The following SP140L variants were observed in gnomAD, a reference collection of about 807,000 sequenced individuals.
The protein encoded by SP140L is nuclear body protein SP140-like protein.
Under a neutral mutation model 84.3 loss-of-function variants are expected in SP140L, and 64 were observed. The ratio of observed to expected loss-of-function variants is 0.76; its 90% CI spans 0.62 to 0.94. SP140L has a LOEUF of 0.94. Ranked by LOEUF, SP140L falls within the 40% of genes least tolerant of loss-of-function variation. The probability of loss-of-function intolerance (pLI) is 0.00; values close to 1 mark genes in which losing one functional copy is unlikely to be tolerated. For synonymous variants in SP140L, 242 were observed against 236.9 expected, an observed-to-expected ratio of 1.02 and a Z score of -0.20; for missense variants, 628 against 692.5, an observed-to-expected ratio of 0.91 and a Z score of 1.05.
intron 2 of SP140L, among the ~76,000 whole-genome samples, chr2:230,354,459 T>G (rs979695567): frequency 6.6e-5 from 10 of 152,020 alleles, no homozygotes; most frequent in African/African-American, 2.4e-4. Flanking sequence ...ATGATAAAAT[T>G]CTCAGCAAGT....
At chr2:230,337,146 C>T (rs965300982) in intron 2 of SP140L, among the ~76,000 whole-genome samples, 4 of 152,230 alleles carry the variant, frequency 2.6e-5, no homozygotes, top group Admixed American at 2.6e-4. Context: ...CACATCCTCT[C>T]CAGCACCTGT....
chr2:230,386,076 G>A (rs897219828), intron 9 of SP140L, among the ~76,000 whole-genome samples: 4 of 152,098 alleles, frequency 2.6e-5, no homozygotes, highest in Admixed American at 2.0e-4. Flanking sequence ...GAAGGGGAGG[G>A]GTCAGGCATC....
rs2061537446 is a variant in SP140L at position 230,385,286 on chromosome 2, G to T, written c.766G>T (p.Asp256Tyr). The T allele has an allele frequency of 6.2e-7, 1 of 1,613,680 alleles. No individual in the cohort carries two copies. Among genetic ancestry groups the T allele is most frequent in the Non-Finnish European group, 8.5e-7 (1 of 1,179,700 alleles). The change falls in exon 9 of 19, where the codon GAC (aspartate) becomes TAC (tyrosine). Residue 256 changes from aspartate (D) to tyrosine (Y), a missense_variant. Physicochemically the swap from Asp to Tyr is radical, Grantham distance 160. Transcript: ENST00000415673. ...SEKKANMNLK[D>Y]LSKIRGRKRG... Reference sequence around the variant, plus strand: ...AAAGAAGGCGAACATGAATCTGAAAGACCTTTCCAAGATTAGGGGTAAGAT... The same window carrying T: ...AAAGAAGGCGAACATGAATCTGAAATACCTTTCCAAGATTAGGGGTAAGAT...
chr2:230,379,023 T>C (rs575993289), intron 7 of SP140L, among the ~76,000 whole-genome samples: 1 of 152,338 alleles, frequency 6.6e-6, no homozygotes, highest in South Asian at 2.1e-4. Flanking sequence ...TTTATCCATA[T>C]TGGTGCTTTT....
chr2:230,344,360 A>G (rs1034495830), intron 2 of SP140L, among the ~76,000 whole-genome samples: 4 of 151,986 alleles, frequency 2.6e-5, no homozygotes, highest in Non-Finnish European at 5.9e-5. Context: ...ACTGTTTTCT[A>G]TTTGCTTGGT....
Position 230,352,861 on chromosome 2 carries a change from T to C in SP140L, c.108-4944T>C, listed in dbSNP as rs76713220. ...ACACACATGCACACACACACATATA[T>C]GTGTGTATATATGTATAATGGTGGT... On this transcript the variant is annotated intron_variant, in intron 2 of 18. Coordinates refer to ENST00000415673, the MANE Select transcript of SP140L (RefSeq NM_138402.6). Among the ~76,000 whole-genome samples, 25 of 151,994 alleles carry C rather than the reference T, an allele frequency of 1.6e-4. No individual in the cohort carries two copies. The East Asian group carries it at 4.8e-3, about 29-fold the overall frequency.
chr2:230,392,807 C>T (rs1256608862), intron 12 of SP140L, among the ~76,000 whole-genome samples: 8 of 152,138 alleles, frequency 5.3e-5, no homozygotes, highest in Non-Finnish European at 1.2e-4. Flanking sequence ...TTTGAAATGC[C>T]TTCACTGTCT....
intron 5 of SP140L, among the ~76,000 whole-genome samples, chr2:230,368,511 G>A (rs1271642315): frequency 2.0e-5 from 3 of 152,218 alleles, no homozygotes; most frequent in African/African-American, 7.2e-5. Flanking sequence ...GATTTGCAAA[G>A]TTTTATGCTA....
rs1288981313 is a variant in SP140L, at chr2:230,400,980, A to C, written c.1339A>C (p.Arg447=). 2 of 1,536,500 alleles carry C rather than the reference A, an allele frequency of 1.3e-6. No individual in the cohort carries two copies. Among genetic ancestry groups the C allele is most frequent in the East Asian group, 2.3e-5 (1 of 43,132 alleles). ...EKTPWNCIFC[R]MKESPGSQQC... is the part of the protein sequence containing the mutation. ...GACCCCGTGGAATTGCATCTTCTGC[A>C]GGATGAAGGAGTCTCCGGGAAGCCA... Residue 447 remains arginine (R), a synonymous_variant, in exon 16 of 19, where the codon AGG becomes CGG. Transcript: ENST00000415673.
At chr2:230,396,183 C>A (rs952172990) in intron 13 of SP140L, among the ~76,000 whole-genome samples, 5 of 152,178 alleles carry the variant, frequency 3.3e-5, no homozygotes, top group Admixed American at 2.6e-4. Flanking sequence ...TTGGCCTGGG[C>A]AAACTAGGTC....
chr2:230,379,167 T>C (rs1196271620), intron 7 of SP140L, among the ~76,000 whole-genome samples: 1 of 152,206 alleles, frequency 6.6e-6, no homozygotes, highest in Non-Finnish European at 1.5e-5. Context: ...GCTTTTGCAA[T>C]TTTATCTGAT....
chr2:230,359,266 A>G (rs924844441), intron 4 of SP140L, 134 bp downstream of exon 4: 6 of 745,854 alleles, frequency 8.0e-6, no homozygotes, highest in Admixed American at 3.0e-5. Flanking sequence ...TAGACGTGTC[A>G]TGAGTCTTCT....
intron 5 of SP140L, among the ~76,000 whole-genome samples, chr2:230,362,772 C>T (rs145646260): frequency 1.3e-5 from 2 of 152,106 alleles, no homozygotes; most frequent in Non-Finnish European, 1.5e-5. Context: ...GAAGAACCCC[C>T]CTAGGCATTC....
intron 3 of SP140L, 122 bp downstream of exon 3, chr2:230,358,089 T>C: frequency 1.7e-6 from 2 of 1,170,904 alleles, no homozygotes; most frequent in Non-Finnish European, 2.4e-6. Context: ...ATGGTCCTAC[T>C]TCCAGCTGAG....
Position 230,327,202 on chromosome 2 carries a change from G to C in SP140L, c.-68G>C. ...CCGGGTCAGGGCAGCCACACTGCAC[G>C]CAGGCTGGGCCGACTGGGGAGCTCA... On this transcript the variant is annotated 5_prime_UTR_variant, in exon 1 of 19. Coordinates refer to ENST00000415673, the MANE Select transcript of SP140L (RefSeq NM_138402.6). 2 of 1,543,880 alleles carry C rather than the reference G, an allele frequency of 1.3e-6. No homozygotes were observed. The highest frequency in any genetic ancestry group is 8.8e-7 in the Non-Finnish European group (1 of 1,135,528).
At chr2:230,367,107 ACTC>A (rs1430852276) in intron 5 of SP140L, among the ~76,000 whole-genome samples, 11 of 150,510 alleles carry the variant, frequency 7.3e-5, no homozygotes, top group Non-Finnish European at 3.0e-5. Context: ...GTATGCTTTG[ACTC>A]CTCTTTAGCT....
intron 8 of SP140L, among the ~76,000 whole-genome samples, chr2:230,384,753 A>G (rs2061518131): frequency 6.6e-6 from 1 of 152,114 alleles, no homozygotes; most frequent in Admixed American, 6.6e-5. Context: ...CTCTACTTAA[A>G]ATACAAAATT....
chr2:230,391,905 TA>T, intron 11 of SP140L, 181 bp from the exon 12 acceptor site: 1 of 710,248 alleles, frequency 1.4e-6, no homozygotes, highest in East Asian at 2.7e-5. Context: ...CACCAGGAAA[TA>T]TACTTAGAGG....
At chr2:230,387,711 T>G (rs1000412422) in intron 9 of SP140L, among the ~76,000 whole-genome samples, 1 of 152,142 alleles carries the variant, frequency 6.6e-6, no homozygotes, top group Non-Finnish European at 1.5e-5. Flanking sequence ...ATTTGAACAT[T>G]AGTAAACATT....
Sources: gnomAD v4.1 joint callset for allele counts (sites outside exome capture counted in the v4.1 genomes callset) on GRCh38, gnomAD v4.1.1 for gene constraint, MANE v1.5 for transcripts, NCBI Gene and HGNC (gene_info 2026-07-23, HGNC 2026-07-21) for gene names.